The following SRBD1 variants were observed in gnomAD, a reference collection of about 807,000 sequenced individuals.
SRBD1 encodes the protein S1 RNA binding domain 1.
SRBD1 carries 88 observed loss-of-function variants against 115.3 expected under a neutral mutation model. The ratio of observed to expected loss-of-function variants is 0.76; its 90% CI spans 0.64 to 0.91. The LOEUF (loss-of-function observed/expected upper bound fraction) is 0.91. SRBD1 is among the 40% of genes least tolerant of loss of function. The pLI, the probability that SRBD1 is intolerant of heterozygous loss-of-function variation, is 0.00. For synonymous variants in SRBD1, 509 were observed against 407.7 expected (o/e 1.25, Z -2.99); for missense variants, 1,385 against 1,177.4 (o/e 1.18, Z -2.58).
chr2:45,511,167 T>C (rs964093555), intron 14 of SRBD1, among the ~76,000 whole-genome samples: 1 of 152,204 alleles, frequency 6.6e-6, no homozygotes, highest in African/African-American at 2.4e-5. Context: ...CTACCACCAA[T>C]CATTTAACGT....
chr2:45,472,492 T>C (rs1669678402), intron 16 of SRBD1, among the ~76,000 whole-genome samples: 1 of 152,094 alleles, frequency 6.6e-6, no homozygotes, highest in African/African-American at 2.4e-5. Context: ...TTTTAAGAGA[T>C]GGGGGGGTCT....
intron 18 of SRBD1, among the ~76,000 whole-genome samples, chr2:45,415,639 AAAAGG>A (rs1667797592): frequency 9.2e-6 from 1 of 109,210 alleles, no homozygotes; most frequent in Non-Finnish European, 1.9e-5. Flanking sequence ...AGAGTGAGAG[AAAAGG>A]AGGGGAGGGG....
chr2:45,396,841 C>G (rs1298016052), intron 19 of SRBD1, among the ~76,000 whole-genome samples: 3 of 152,080 alleles, frequency 2.0e-5, no homozygotes. Flanking sequence ...TACATTAAAG[C>G]AACATGATAC....
chr2:45,391,233 C>T (rs147860998), intron 20 of SRBD1, among the ~76,000 whole-genome samples: 72 of 152,240 alleles, frequency 4.7e-4, no homozygotes, highest in Middle Eastern at 6.8e-3. Flanking sequence ...CCTCTGTGTA[C>T]CATGCAAACT....
chr2:45,548,729 A>AC lies in SRBD1; in HGVS notation c.1676-1118dup, dbSNP rs397710694. On this transcript the variant is annotated intron_variant, in intron 12 of 20. Coordinates refer to ENST00000263736, the MANE Select transcript of SRBD1 (RefSeq NM_018079.5). ...ATATGAACAGATGCAAAAAAAAAAAACACTGATAAAATATATTTCCCACTG... is the reference window on the plus strand; with the variant it reads ...ATATGAACAGATGCAAAAAAAAAAAACCACTGATAAAATATATTTCCCACTG... Among the ~76,000 whole-genome samples the AC allele has an allele frequency of 2.9e-4, 44 of 151,636 alleles. 1 individual carries two copies. Among genetic ancestry groups the AC allele is most frequent in the Non-Finnish European group, 2.9e-5 (2 of 67,930 alleles).
intron 14 of SRBD1, among the ~76,000 whole-genome samples, chr2:45,510,315 A>C (rs901273423): frequency 2.0e-5 from 3 of 152,236 alleles, no homozygotes; most frequent in African/African-American, 7.2e-5. Context: ...TTTTAAAACA[A>C]AGAGTACTTT....
At chr2:45,525,071 T>A (rs750274279) in intron 14 of SRBD1, among the ~76,000 whole-genome samples, 2 of 151,894 alleles carry the variant, frequency 1.3e-5, no homozygotes, top group Non-Finnish European at 2.9e-5. Context: ...TCGGTAGGAC[T>A]ACTGGATAGC....
chr2:45,602,919 T>A (rs1203378998), intron 2 of SRBD1, among the ~76,000 whole-genome samples: 1 of 152,174 alleles, frequency 6.6e-6, no homozygotes, highest in African/African-American at 2.4e-5. Context: ...TAGAAGAGAA[T>A]AATTATGATA....
chr2:45,513,003 T>C (rs1671014698), intron 14 of SRBD1, among the ~76,000 whole-genome samples: 1 of 152,086 alleles, frequency 6.6e-6, no homozygotes, highest in Non-Finnish European at 1.5e-5. Context: ...CCAGAACACA[T>C]GCCCCTCTGA....
chr2:45,546,035 T>C, intron 14 of SRBD1: 1 of 465,502 alleles, frequency 2.1e-6, no homozygotes, highest in African/African-American at 2.1e-5. Flanking sequence ...TATCAGCCAT[T>C]ATAACTACTC....
chr2:45,505,492 G>A (rs988054227), intron 14 of SRBD1, among the ~76,000 whole-genome samples: 2 of 152,128 alleles, frequency 1.3e-5, no homozygotes, highest in Admixed American at 6.5e-5. Context: ...GAGCACAATG[G>A]CACCTGTCCG....
intron 14 of SRBD1, among the ~76,000 whole-genome samples, chr2:45,536,076 C>A (rs1429603463): frequency 1.3e-5 from 2 of 151,946 alleles, no homozygotes; most frequent in Non-Finnish European, 2.9e-5. Flanking sequence ...ACTTTTAGTT[C>A]CTAATCTTTT....
intron 14 of SRBD1, among the ~76,000 whole-genome samples, chr2:45,538,089 T>A (rs1334515740): frequency 6.6e-6 from 1 of 152,116 alleles, no homozygotes; most frequent in Admixed American, 6.5e-5. Context: ...GTAACGCAGA[T>A]GAGAATGGCT....
In SRBD1 at chr2:45,403,388, G is replaced by C. The variant is rs530556366; in HGVS notation, c.2513+9726C>G. Among the ~76,000 whole-genome samples the C allele has an allele frequency of 1.5e-3, 230 of 151,612 alleles. 1 individual carries two copies. The highest frequency in any genetic ancestry group is 5.5e-3 in the African/African-American group (228 of 41,358). On this transcript the variant is annotated intron_variant, in intron 19 of 20. Coordinates refer to ENST00000263736, the MANE Select transcript of SRBD1 (RefSeq NM_018079.5). ...AAACATTTCATTTTGTTCTACTGAAGTTATCAGTTCCTGAGTAGTTCCCTT... is the reference window on the plus strand; with the variant it reads ...AAACATTTCATTTTGTTCTACTGAACTTATCAGTTCCTGAGTAGTTCCCTT...
chr2:45,558,428 T>C (rs1252086012), intron 10 of SRBD1, among the ~76,000 whole-genome samples: 1 of 152,200 alleles, frequency 6.6e-6, no homozygotes, highest in Non-Finnish European at 1.5e-5. Flanking sequence ...CTAAAAAGCT[T>C]AGAAATCCTC....
chr2:45,421,304 G>A (rs1464806359), intron 16 of SRBD1, among the ~76,000 whole-genome samples: 5 of 151,656 alleles, frequency 3.3e-5, no homozygotes, highest in Admixed American at 2.6e-4. Flanking sequence ...TCAGAAGATC[G>A]ACACCATTCT....
At position 45,522,006 on chromosome 2, in the gene SRBD1, A is replaced by T. The variant is rs76741952; in HGVS notation, c.1874+24726T>A. 3.6e-3 allele frequency among the ~76,000 whole-genome samples: 555 copies of T among 152,104 alleles called. 9 individuals carry two copies. Among genetic ancestry groups the T allele is most frequent in the African/African-American group, 0.013 (528 of 41,506 alleles). ...GAAAGAAAGAAAGAAGAAAAAAAAAAGGAGAAAGCAGAGATTCAAACAGAT... is the reference window on the plus strand; with the variant it reads ...GAAAGAAAGAAAGAAGAAAAAAAAATGGAGAAAGCAGAGATTCAAACAGAT... On this transcript the variant is annotated intron_variant, in intron 14 of 20. Transcript: ENST00000263736.
chr2:45,581,618 T>C, intron 6 of SRBD1, 75 bp downstream of exon 6: 1 of 1,018,882 alleles, frequency 9.8e-7, no homozygotes, highest in South Asian at 1.5e-5. Flanking sequence ...TATTTCTTGG[T>C]GTTCTTTAAT....
At chr2:45,492,250 T>A (rs1670319064) in intron 14 of SRBD1, among the ~76,000 whole-genome samples, 1 of 152,238 alleles carries the variant, frequency 6.6e-6, no homozygotes, top group Non-Finnish European at 1.5e-5. Flanking sequence ...ATCTCTACAG[T>A]TTACAAGTCT....
Sources: allele counts gnomAD v4.1 joint callset (sites outside exome capture counted in the v4.1 genomes callset), GRCh38; gene constraint gnomAD v4.1.1; transcripts MANE v1.5; gene names NCBI Gene and HGNC (gene_info 2026-07-23, HGNC 2026-07-21).